Variants in KCNH8 observed in about 807,000 individuals in gnomAD.
KCNH8 encodes voltage-gated delayed rectifier potassium channel KCNH8.
A neutral mutation model predicts 103.6 loss-of-function variants in KCNH8; 70 were observed. The observed-to-expected ratio is 0.68, with a 90% CI of 0.56 to 0.82. The LOEUF (loss-of-function observed/expected upper bound fraction) is 0.82. Ranked by LOEUF, KCNH8 falls within the 40% of genes least tolerant of loss-of-function variation. The pLI is 0.00. For synonymous variants in KCNH8, 498 were observed against 489.4 expected, an observed-to-expected ratio of 1.02 and a Z score of -0.23; for missense variants, 1,217 against 1,329.9, an observed-to-expected ratio of 0.92 and a Z score of 1.32.
chr3:19,326,383 A>ATATATATAT (rs1257267521), intron 3 of KCNH8, among the ~76,000 whole-genome samples: 11 of 144,188 alleles, frequency 7.6e-5, no homozygotes, highest in African/African-American at 2.6e-4. Flanking sequence ...ATATATATAT[A>ATATATATAT]ATAAATGATT....
At chr3:19,159,756 A>G (rs1178132705) in intron 1 of KCNH8, among the ~76,000 whole-genome samples, 1 of 152,144 alleles carries the variant, frequency 6.6e-6, no homozygotes, top group Admixed American at 6.5e-5. Context: ...ATTTGTATCT[A>G]TATCTATATC....
chr3:19,152,801 C>T (rs1445545552), intron 1 of KCNH8, among the ~76,000 whole-genome samples: 3 of 151,728 alleles, frequency 2.0e-5, no homozygotes, highest in Admixed American at 6.6e-5. Flanking sequence ...CCGGGTGTGG[C>T]GGCATGCACC....
At chr3:19,379,488 A>T (rs939834250) in intron 5 of KCNH8, among the ~76,000 whole-genome samples, 2 of 151,990 alleles carry the variant, frequency 1.3e-5, no homozygotes, top group African/African-American at 4.8e-5. Context: ...AAAATACAAA[A>T]AATTACTCAG....
chr3:19,449,658 A>G (rs2067414492), intron 8 of KCNH8, among the ~76,000 whole-genome samples: 2 of 152,230 alleles, frequency 1.3e-5, no homozygotes, highest in South Asian at 4.1e-4. Context: ...AATTTATTTC[A>G]TTCATTACTA....
At chr3:19,286,120 CAG>C (rs1281864990) in intron 3 of KCNH8, among the ~76,000 whole-genome samples, 1 of 152,098 alleles carries the variant, frequency 6.6e-6, no homozygotes, top group Non-Finnish European at 1.5e-5. Context: ...AGATATATTT[CAG>C]AGTTAGAACA....
chr3:19,330,660 T>C (rs1478445794), intron 3 of KCNH8, among the ~76,000 whole-genome samples: 2 of 152,178 alleles, frequency 1.3e-5, no homozygotes. Context: ...AACCAAAATA[T>C]TCCTTTTATT....
At chr3:19,380,463 A>G (rs2066273548) in intron 5 of KCNH8, among the ~76,000 whole-genome samples, 2 of 152,120 alleles carry the variant, frequency 1.3e-5, no homozygotes, top group African/African-American at 2.4e-5. Flanking sequence ...AATTCTTGTT[A>G]TTTCTTATTG....
chr3:19,228,048 G>T (rs921182057), intron 1 of KCNH8, among the ~76,000 whole-genome samples: 11 of 152,066 alleles, frequency 7.2e-5, no homozygotes, highest in Non-Finnish European at 1.6e-4. Flanking sequence ...ATTTGTTCAG[G>T]ATCGCATGAC....
intron 3 of KCNH8, among the ~76,000 whole-genome samples, chr3:19,320,275 G>A (rs1255596679): frequency 6.6e-6 from 1 of 151,964 alleles, no homozygotes; most frequent in Non-Finnish European, 1.5e-5. Flanking sequence ...TACACTTTCA[G>A]TATAATATTG....
intron 11 of KCNH8, among the ~76,000 whole-genome samples, chr3:19,501,456 G>A (rs536604842): frequency 0.015 from 2,260 of 152,124 alleles, 52 homozygotes; most frequent in African/African-American, 0.048. Flanking sequence ...TACCAAAGCC[G>A]GGCAGAGACA....
intron 3 of KCNH8, among the ~76,000 whole-genome samples, chr3:19,302,214 C>A (rs1385551651): frequency 6.6e-6 from 1 of 152,048 alleles, no homozygotes; most frequent in Non-Finnish European, 1.5e-5. Context: ...TCAGGAGTCA[C>A]CTCATTAGCA....
intron 11 of KCNH8, among the ~76,000 whole-genome samples, chr3:19,466,324 T>C (rs894018522): frequency 7.2e-5 from 11 of 152,170 alleles, no homozygotes; most frequent in Non-Finnish European, 1.6e-4. Context: ...ACAAAGGATT[T>C]AGAATATTAC....
Position 19,390,733 on chromosome 3 carries a change from G to T in KCNH8, c.969+95G>T, listed in dbSNP as rs183423472. ...GCTTGTGGCGATTTATGCTTCCAGG[G>T]TTTTGTGCCTTCTTCAATAAAGATG... On this transcript the variant is annotated intron_variant, in intron 6 of 15. Coordinates refer to ENST00000328405, the MANE Select transcript of KCNH8 (RefSeq NM_144633.3). The T allele has an allele frequency of 7.9e-5, 98 of 1,234,096 alleles. No homozygotes were observed. In the African/African-American group the frequency reaches 1.5e-3, roughly 18 times the overall value. 76.4% of individuals were successfully genotyped at this position (1,234,096 alleles called of 1,614,324 possible). A position where few individuals can be genotyped will look rare whatever the true frequency, so the allele number is the denominator to read the frequency against.
chr3:19,170,507 C>T (rs1417232568), intron 1 of KCNH8, among the ~76,000 whole-genome samples: 1 of 150,674 alleles, frequency 6.6e-6, no homozygotes, highest in Non-Finnish European at 1.5e-5. Flanking sequence ...ATCATGACTC[C>T]TCCTTACACA....
chr3:19,273,637 C>G (rs948048764), intron 2 of KCNH8, among the ~76,000 whole-genome samples: 1 of 152,190 alleles, frequency 6.6e-6, no homozygotes, highest in Non-Finnish European at 1.5e-5. Context: ...TACCGGGAGG[C>G]AGAAGCATGC....
intron 3 of KCNH8, among the ~76,000 whole-genome samples, chr3:19,291,231 GTC>G (rs2064920391): frequency 6.6e-6 from 1 of 152,044 alleles, no homozygotes; most frequent in Admixed American, 6.5e-5. Flanking sequence ...GGTTTTTTGT[GTC>G]TCTATTTCCT....
At chr3:19,356,778 T>C (rs1013635501) in intron 5 of KCNH8, among the ~76,000 whole-genome samples, 1 of 151,994 alleles carries the variant, frequency 6.6e-6, no homozygotes, top group African/African-American at 2.4e-5. Context: ...TCAGGTTTTT[T>C]GCTTGAGTTT....
rs1019749160 is a variant in KCNH8 at position 19,438,372 on chromosome 3, A to G, written c.1375+11A>G. 6.2e-7 allele frequency: 1 copy of G among 1,606,682 alleles called. No individual in the cohort carries two copies. The highest frequency in any genetic ancestry group is 1.3e-5 in the African/African-American group (1 of 74,804). ...CCATGCTGATTGGTGGTAAGAGAGC[A>G]TCTTCTTTTATACTAAGAAGAGGAA... is the stretch of plus-strand genomic sequence containing the variant. On this transcript the variant is annotated intron_variant, in intron 8 of 15. Coordinates refer to ENST00000328405, the MANE Select transcript of KCNH8 (RefSeq NM_144633.3).
intron 2 of KCNH8, among the ~76,000 whole-genome samples, chr3:19,261,577 A>T (rs930086730): frequency 6.6e-6 from 1 of 151,666 alleles, no homozygotes; most frequent in Non-Finnish European, 1.5e-5. Flanking sequence ...TTCCCTTGCT[A>T]TGCAGAAGGT....
Sources: gnomAD v4.1 joint callset for allele counts (sites outside exome capture counted in the v4.1 genomes callset) on GRCh38, gnomAD v4.1.1 for gene constraint, MANE v1.5 for transcripts, NCBI Gene and HGNC (gene_info 2026-07-23, HGNC 2026-07-21) for gene names.